MID2: variants seen among roughly 807,000 people sequenced by gnomAD.
The protein encoded by MID2 is probable E3 ubiquitin-protein ligase MID2.
A neutral mutation model predicts 46.1 loss-of-function variants in MID2; 13 were observed. The ratio of observed to expected loss-of-function variants is 0.28; its 90% CI spans 0.18 to 0.45. The LOEUF (loss-of-function observed/expected upper bound fraction) is 0.45, where lower values mean the gene tolerates loss of function less well. Ranked by LOEUF, MID2 falls within the 20% of genes least tolerant of loss-of-function variation. The pLI, the probability that MID2 is intolerant of heterozygous loss-of-function variation, is 1.00. For missense variants in MID2, 431 were observed against 575.4 expected (o/e 0.75, Z 2.57); for synonymous variants, 199 against 212.3 (o/e 0.94, Z 0.55).
At chrX:107,917,153 A>C (rs1195793271) in intron 6 of MID2, among the ~76,000 whole-genome samples, 1 of 111,411 alleles carries the variant, frequency 9.0e-6, no homozygotes, top group Non-Finnish European at 1.9e-5. Flanking sequence ...ATATATATAT[A>C]CTCATTTTGA....
intron 1 of MID2, among the ~76,000 whole-genome samples, chrX:107,837,772 A>G (rs899906704): frequency 9.0e-6 from 1 of 111,465 alleles, no homozygotes; most frequent in African/African-American, 3.3e-5. Context: ...TAGTTTCCTA[A>G]CTGTAAGGTG....
chrX:107,837,059 A>T (rs1360398922), intron 1 of MID2, among the ~76,000 whole-genome samples: 1 of 111,693 alleles, frequency 9.0e-6, no homozygotes, highest in Admixed American at 9.5e-5. Context: ...AGTTCTAGGA[A>T]GTTCAGAAGT....
intron 7 of MID2, among the ~76,000 whole-genome samples, chrX:107,918,672 T>C (rs1300157255): frequency 2.7e-5 from 3 of 111,769 alleles, no homozygotes; most frequent in East Asian, 5.7e-4. Context: ...AGCTCCAACC[T>C]AAACCACTTG....
chrX:107,875,410 G>A (rs769578970), intron 3 of MID2, among the ~76,000 whole-genome samples: 1 of 111,478 alleles, frequency 9.0e-6, no homozygotes, highest in Admixed American at 9.5e-5. Flanking sequence ...AGGAGGCCCT[G>A]CAACCTTGTT....
At position 107,881,789 on chromosome X, in the gene MID2, C is replaced by CT. The variant is rs922897413; in HGVS notation, c.817-22163dup. Reference sequence around the variant, plus strand: ...CAAACAAATCAACTGTAAAAGTACACTTTTTTATGTAATCAGGACAATTTA... The same window carrying CT: ...CAAACAAATCAACTGTAAAAGTACACTTTTTTTATGTAATCAGGACAATTTA... On this transcript the variant is annotated intron_variant, in intron 3 of 9. Coordinates refer to ENST00000262843, the MANE Select transcript of MID2 (RefSeq NM_012216.4). 8.9e-5 allele frequency among the ~76,000 whole-genome samples: 10 copies of CT among 112,306 alleles called. 1 individual carries two copies. The highest frequency in any genetic ancestry group is 1.3e-4 in the Non-Finnish European group (7 of 53,301).
At chrX:107,868,422 C>A (rs1932001297) in intron 3 of MID2, among the ~76,000 whole-genome samples, 1 of 110,912 alleles carries the variant, frequency 9.0e-6, no homozygotes, top group African/African-American at 3.3e-5. Flanking sequence ...GGAGTGGAAC[C>A]AGAAGAGAGG....
In MID2 at chrX:107,924,374, T is replaced by C; in HGVS notation, c.1467T>C (p.Ile489=). The C allele has an allele frequency of 1.7e-6, 2 of 1,210,604 alleles. No homozygotes were observed. ...ATAATTCAGTAGACAGCTGGATGATTGTTCCCAACATTAAACAGAACCATT... is the reference window on the plus strand; with the variant it reads ...ATAATTCAGTAGACAGCTGGATGATCGTTCCCAACATTAAACAGAACCATT... The part of the protein sequence containing the change: ...GLYNSVDSWM[I]VPNIKQNHYT... Residue 489 remains isoleucine (I), a synonymous_variant, in exon 8 of 10, where the codon ATT becomes ATC. Coordinates refer to ENST00000262843, the MANE Select transcript of MID2 (RefSeq NM_012216.4).
At chrX:107,875,774 T>G (rs1170731415) in intron 3 of MID2, among the ~76,000 whole-genome samples, 2 of 111,977 alleles carry the variant, frequency 1.8e-5, no homozygotes, top group Non-Finnish European at 3.8e-5. Flanking sequence ...CTTTCTGAGA[T>G]ACCCCTCTCA....
intron 5 of MID2, among the ~76,000 whole-genome samples, chrX:107,911,532 G>T (rs1020775909): frequency 6.3e-5 from 7 of 111,064 alleles, no homozygotes; most frequent in Non-Finnish European, 1.3e-4. Context: ...GAACTATTTG[G>T]TTTTCTTCTT....
intron 3 of MID2, among the ~76,000 whole-genome samples, chrX:107,856,049 C>G (rs988948805): frequency 1.8e-5 from 2 of 112,087 alleles, no homozygotes; most frequent in African/African-American, 6.5e-5. Flanking sequence ...TTTCAGTGTT[C>G]TTACCTATAA....
chrX:107,848,390 A>G (rs1038951743), intron 2 of MID2, among the ~76,000 whole-genome samples: 3 of 111,731 alleles, frequency 2.7e-5, no homozygotes, highest in Admixed American at 1.9e-4. Context: ...AGAATGTCCA[A>G]ATAATAATGT....
chrX:107,901,486 G>A (rs902443186), intron 3 of MID2, among the ~76,000 whole-genome samples: 1 of 111,542 alleles, frequency 9.0e-6, no homozygotes, highest in African/African-American at 3.3e-5. Context: ...TAACAAAGTG[G>A]ACATGTCTAA....
At chrX:107,904,676 T>C (rs931294722) in intron 4 of MID2, among the ~76,000 whole-genome samples, 1 of 111,727 alleles carries the variant, frequency 9.0e-6, no homozygotes, top group Non-Finnish European at 1.9e-5. Context: ...ATAGGAAACA[T>C]TGAACTTTTA....
intron 1 of MID2, among the ~76,000 whole-genome samples, chrX:107,830,752 A>G (rs768204745): frequency 3.6e-5 from 4 of 111,799 alleles, no homozygotes; most frequent in Admixed American, 9.5e-5. Context: ...AGACCAGATG[A>G]GTGGTGTTGA....
chrX:107,856,452 C>T (rs753432525), intron 3 of MID2, among the ~76,000 whole-genome samples: 3 of 112,240 alleles, frequency 2.7e-5, no homozygotes, highest in African/African-American at 9.7e-5. Flanking sequence ...ATCAAAAAGA[C>T]TATTAAGTAC....
intron 5 of MID2, 143 bp from the exon 6 acceptor site, chrX:107,915,859 G>A: frequency 9.4e-6 from 5 of 532,721 alleles, no homozygotes; most frequent in Non-Finnish European, 1.5e-5. Context: ...AGTTTCCATT[G>A]GAAAGGCAGA....
chrX:107,876,737 A>C (rs1213581692), intron 3 of MID2, among the ~76,000 whole-genome samples: 1 of 112,252 alleles, frequency 8.9e-6, no homozygotes, highest in Non-Finnish European at 1.9e-5. Flanking sequence ...CAAAAGTAAC[A>C]TAATGTCTTT....
At chrX:107,898,078 G>A (rs891722511) in intron 3 of MID2, among the ~76,000 whole-genome samples, 1 of 111,573 alleles carries the variant, frequency 9.0e-6, no homozygotes, top group Non-Finnish European at 1.9e-5. Context: ...GAAGTGGGAA[G>A]TTTGTTGTGT....
intron 3 of MID2, among the ~76,000 whole-genome samples, chrX:107,867,310 C>G (rs1363997127): frequency 9.6e-6 from 1 of 104,215 alleles, no homozygotes; most frequent in Non-Finnish European, 1.9e-5. Context: ...GCCGCCACGC[C>G]CAGCTAATTT....
Sources: allele counts gnomAD v4.1 joint callset (sites outside exome capture counted in the v4.1 genomes callset), GRCh38; gene constraint gnomAD v4.1.1; transcripts MANE v1.5; gene names NCBI Gene and HGNC (gene_info 2026-07-23, HGNC 2026-07-21).